HNRNPUL1: variants seen among roughly 807,000 people sequenced by gnomAD.
HNRNPUL1 encodes the protein heterogeneous nuclear ribonucleoprotein U-like protein 1.
Under a neutral mutation model 108.5 loss-of-function variants are expected in HNRNPUL1, and 14 were observed. The observed-to-expected ratio is 0.13, with a 90% CI of 0.09 to 0.20. The LOEUF (loss-of-function observed/expected upper bound fraction) is 0.20. HNRNPUL1 is among the 10% of genes least tolerant of loss of function. The pLI is 1.00. For synonymous variants in HNRNPUL1, 422 were observed against 445.2 expected, an observed-to-expected ratio of 0.95 and a Z score of 0.66; for missense variants, 804 against 1,168.3, an observed-to-expected ratio of 0.69 and a Z score of 4.55.
intron 10 of HNRNPUL1, among the ~76,000 whole-genome samples, chr19:41,299,327 G>C (rs1568456557): frequency 6.6e-6 from 1 of 152,164 alleles, no homozygotes; most frequent in African/African-American, 2.4e-5. Context: ...AGAGGATCTG[G>C]TTAGTTTAAG....
chr19:41,293,629 A>G lies in HNRNPUL1; in HGVS notation c.1267-709A>G, dbSNP rs567343920. Among the ~76,000 whole-genome samples the G allele has an allele frequency of 3.5e-4, 54 of 152,252 alleles. 2 individuals carry two copies. The South Asian group carries it at 9.9e-3, about 28-fold the overall frequency. On this transcript the variant is annotated intron_variant, in intron 8 of 14. Coordinates refer to ENST00000392006, the MANE Select transcript of HNRNPUL1 (RefSeq NM_007040.6). ...ACTTAAAGAAAGTTGTACCACTTCT[A>G]CCCACTCCATGGGGCCAGTCCCAGT...
At chr19:41,275,618 TAAAG>T (rs897102014) in intron 4 of HNRNPUL1, among the ~76,000 whole-genome samples, 2 of 152,160 alleles carry the variant, frequency 1.3e-5, no homozygotes, top group Admixed American at 6.5e-5. Flanking sequence ...TCCCACCAGA[TAAAG>T]AACCCCAGTT....
chr19:41,264,670 G>A lies in HNRNPUL1; in HGVS notation c.167G>A (p.Arg56Gln). 1 of 1,580,354 alleles carries A rather than the reference G, an allele frequency of 6.3e-7. No individual in the cohort carries two copies. Among genetic ancestry groups the A allele is most frequent in the African/African-American group, 1.4e-5 (1 of 72,892 alleles). The change falls in exon 1 of 15, where the codon CGA (arginine) becomes CAA (glutamine). Residue 56 changes from arginine (R) to glutamine (Q), a missense_variant. By Grantham distance (43) the Arg-to-Gln change is conservative. Coordinates refer to ENST00000392006, the MANE Select transcript of HNRNPUL1 (RefSeq NM_007040.6). Reference sequence around the variant, plus strand: ...CTCGACGCCGACGACGAACCGGGGCGACCCGGGCACATCAACGAGGAGGTC... The same window carrying A: ...CTCGACGCCGACGACGAACCGGGGCAACCCGGGCACATCAACGAGGAGGTC... The part of the protein sequence containing the change: ...RELDADDEPG[R>Q]PGHINEEVET...
chr19:41,301,470 C>A, intron 10 of HNRNPUL1, 66 bp from the exon 11 acceptor site: 4 of 1,378,534 alleles, frequency 2.9e-6, no homozygotes, highest in Non-Finnish European at 2.0e-6. Flanking sequence ...CTACATAATA[C>A]CCCTCAGAGG....
At chr19:41,272,839 C>A (rs944471748) in intron 3 of HNRNPUL1, among the ~76,000 whole-genome samples, 3 of 152,162 alleles carry the variant, frequency 2.0e-5, no homozygotes, top group African/African-American at 7.2e-5. Flanking sequence ...CCTAACAAGC[C>A]CTTCCCTCCT....
chr19:41,265,127 C>T (rs2122352849), intron 1 of HNRNPUL1: 1 of 1,413,794 alleles, frequency 7.1e-7, no homozygotes, highest in Non-Finnish European at 9.2e-7. Context: ...AAGAGGTTTT[C>T]CGTTTGGGTT....
intron 13 of HNRNPUL1, among the ~76,000 whole-genome samples, chr19:41,304,652 G>A (rs987222057): frequency 3.3e-5 from 5 of 152,180 alleles, no homozygotes; most frequent in African/African-American, 1.2e-4. Flanking sequence ...TTGTCTTTTG[G>A]ACATAATAAC....
Position 41,292,633 on chromosome 19 carries a change from G to T in HNRNPUL1, c.1266+122G>T. ...TGGGGCAAGTGGCCACTTTGTCCCA[G>T]CTCCTCAGGGTTGGACTCAGAGCTG... On this transcript the variant is annotated intron_variant, in intron 8 of 14. Coordinates refer to ENST00000392006, the MANE Select transcript of HNRNPUL1 (RefSeq NM_007040.6). This position sits in a 1 kb window ranked among gnomAD's most constrained non-coding sequence, Gnocchi z 4.1. 8.1e-7 allele frequency: 1 copy of T among 1,227,212 alleles called. No individual in the cohort carries two copies. The highest frequency in any genetic ancestry group is 1.4e-5 in the South Asian group (1 of 73,348). The allele number at this position is 1,227,212 out of a possible 1,614,324, so 76.0% of individuals were successfully genotyped here. A position where few individuals can be genotyped will look rare whatever the true frequency, so the allele number is the denominator to read the frequency against.
At chr19:41,274,506 G>GTC (rs1373049697) in intron 4 of HNRNPUL1, among the ~76,000 whole-genome samples, 1 of 152,186 alleles carries the variant, frequency 6.6e-6, no homozygotes, top group African/African-American at 2.4e-5. Flanking sequence ...ATGCCACTGT[G>GTC]TCCTGTGAGG....
chr19:41,277,046 G>A (rs140098419), intron 5 of HNRNPUL1, among the ~76,000 whole-genome samples: 9,287 of 150,396 alleles, frequency 0.062, 782 homozygotes, highest in African/African-American at 0.18. Context: ...GCAGTGAGCC[G>A]AGATCACGCC....
At chr19:41,282,012 C>T (rs1389388257) in intron 7 of HNRNPUL1, among the ~76,000 whole-genome samples, 1 of 152,176 alleles carries the variant, frequency 6.6e-6, no homozygotes, top group Non-Finnish European at 1.5e-5. Context: ...ACAGTAAGTG[C>T]TCAGTAAATA....
At chr19:41,265,528 T>C (rs1010242714) in intron 1 of HNRNPUL1, among the ~76,000 whole-genome samples, 1 of 152,208 alleles carries the variant, frequency 6.6e-6, no homozygotes, top group East Asian at 1.9e-4. Flanking sequence ...GCCTGGACAT[T>C]AGGTGCTGGG....
intron 2 of HNRNPUL1, among the ~76,000 whole-genome samples, chr19:41,270,351 C>G (rs534866833): frequency 6.6e-6 from 1 of 151,988 alleles, no homozygotes; most frequent in South Asian, 2.1e-4. Flanking sequence ...CTCCATGAGC[C>G]ATGATGGCAG....
chr19:41,276,273 G>T lies in HNRNPUL1; in HGVS notation c.761G>T (p.Arg254Met), dbSNP rs769253732. The T allele has an allele frequency of 2.5e-5, 40 of 1,611,308 alleles. No homozygotes were observed. In the East Asian group the frequency reaches 2.9e-4, roughly 12 times the overall value. Residue 254 changes from arginine to methionine, a missense_variant, in exon 5 of 15, where the codon AGG becomes ATG. Physicochemically the swap from Arg to Met is moderately conservative, Grantham distance 91. Transcript: ENST00000392006. ...SGARASYGVR[R>M]GRVCFEMKIN... The stretch of plus-strand genomic sequence containing the variant: ...GCCCGTGCCAGCTATGGGGTCAGAA[G>T]GGGCCGTGTATGCTTCGAGATGAAG...
In HNRNPUL1 at chr19:41,305,598, T is replaced by C. The variant is rs181687239; in HGVS notation, c.2263-78T>C. On this transcript the variant is annotated intron_variant, in intron 13 of 14. Coordinates refer to ENST00000392006, the MANE Select transcript of HNRNPUL1 (RefSeq NM_007040.6). ...GTGGGCCAACCACTTAAAAAGGCCCTTTTTCCATCCCAGCATTTCACATCT... is the reference window on the plus strand; with the variant it reads ...GTGGGCCAACCACTTAAAAAGGCCCCTTTTCCATCCCAGCATTTCACATCT... 667 of 1,578,958 alleles carry C rather than the reference T, an allele frequency of 4.2e-4. 4 individuals carry two copies. In the African/African-American group the frequency reaches 7.7e-3, roughly 18 times the overall value.
chr19:41,305,219 A>C (rs938074012), intron 13 of HNRNPUL1, among the ~76,000 whole-genome samples: 1 of 152,160 alleles, frequency 6.6e-6, no homozygotes, highest in Non-Finnish European at 1.5e-5. Context: ...TAATGATCCA[A>C]CCTGTACTTG....
intron 6 of HNRNPUL1, 176 bp from the exon 7 acceptor site, chr19:41,280,987 C>G (rs2035866347): frequency 3.6e-6 from 2 of 561,116 alleles, no homozygotes; most frequent in African/African-American, 3.8e-5. Flanking sequence ...CCTCCAAGTT[C>G]TACATCATTA....
chr19:41,264,008 T>C (rs1599751319), upstream of HNRNPUL1, among the ~76,000 whole-genome samples: 1 of 152,254 alleles, frequency 6.6e-6, no homozygotes, highest in African/African-American at 2.4e-5. Flanking sequence ...AGACACTTAG[T>C]TTGATGAAAG....
At chr19:41,280,910 C>T (rs1200891366) in intron 6 of HNRNPUL1, 1 of 387,288 alleles carries the variant, frequency 2.6e-6, no homozygotes, top group African/African-American at 2.0e-5. Context: ...TTTTCAAATT[C>T]TCCCCTCTGT....
Sources: gnomAD v4.1 joint callset for allele counts (sites outside exome capture counted in the v4.1 genomes callset) on GRCh38, gnomAD v4.1.1 for gene constraint, Gnocchi (gnomAD v3.1) non-coding constraint, MANE v1.5 for transcripts, NCBI Gene and HGNC (gene_info 2026-07-23, HGNC 2026-07-21) for gene names.